Variants in PECR observed in about 807,000 individuals in gnomAD.
PECR encodes 2,4-dienoyl-CoA reductase-related protein.
PECR carries 30 observed loss-of-function variants against 35.3 expected under a neutral mutation model. The observed-to-expected ratio is 0.85, with a 90% CI of 0.64 to 1.15. PECR has a LOEUF of 1.15. Ranked by LOEUF, PECR falls within the 50% of genes most tolerant of loss-of-function variation. The probability of loss-of-function intolerance (pLI) is 0.00; values close to 1 mark genes in which losing one functional copy is unlikely to be tolerated. For synonymous variants in PECR, 148 were observed against 138.9 expected (o/e 1.07, Z -0.46); for missense variants, 392 against 370.8 (o/e 1.06, Z -0.47).
chr2:216,080,788 G>A (rs1265093207), intron 1 of PECR, among the ~76,000 whole-genome samples: 2 of 152,234 alleles, frequency 1.3e-5, no homozygotes, highest in South Asian at 2.1e-4. Flanking sequence ...GGAACGCTTA[G>A]TCCATACCAT....
Position 216,065,364 on chromosome 2 carries a change from C to A in PECR, c.372G>T (p.Trp124Cys). 6.2e-7 allele frequency: 1 copy of A among 1,610,818 alleles called. No individual in the cohort carries two copies. Among genetic ancestry groups the A allele is most frequent in the Non-Finnish European group, 8.5e-7 (1 of 1,176,974 alleles). The change falls in exon 3 of 8, where the codon TGG (tryptophan) becomes TGT (cysteine). Residue 124 changes from tryptophan (W) to cysteine (C), a missense_variant. Coordinates refer to ENST00000265322, the MANE Select transcript of PECR (RefSeq NM_018441.6). Reference sequence around the variant, plus strand: ...TCAGGTTGGTCTCAAGCACAGCGTGCCATCCCTTAGAACTGATGTGTTCAG... The same window carrying A: ...TCAGGTTGGTCTCAAGCACAGCGTGACATCCCTTAGAACTGATGTGTTCAG... Reference protein sequence around the residue: ...SPAEHISSKGWHAVLETNLTG... With the variant: ...SPAEHISSKGCHAVLETNLTG...
At chr2:216,075,531 T>A (rs1456260247) in intron 1 of PECR, among the ~76,000 whole-genome samples, 2 of 152,210 alleles carry the variant, frequency 1.3e-5, no homozygotes, top group African/African-American at 4.8e-5. Flanking sequence ...TATAATAAAC[T>A]AGAAAAATAT....
intron 7 of PECR, among the ~76,000 whole-genome samples, chr2:216,040,266 T>C (rs1257224114): frequency 6.6e-6 from 1 of 152,226 alleles, no homozygotes; most frequent in African/African-American, 2.4e-5. Flanking sequence ...TTTATTTTTT[T>C]AATTTTTATT....
chr2:216,046,316 T>G (rs1397835051), intron 6 of PECR, among the ~76,000 whole-genome samples: 1 of 123,694 alleles, frequency 8.1e-6, no homozygotes, highest in Admixed American at 7.9e-5. Context: ...ATATATTTTT[T>G]TTTTTTTTTT....
chr2:216,066,631 G>T (rs1446455380), intron 1 of PECR, 113 bp from the exon 2 acceptor site: 1 of 898,578 alleles, frequency 1.1e-6, no homozygotes, highest in South Asian at 1.3e-5. Flanking sequence ...TTCATGAGTT[G>T]TCCAAATTCC....
intron 6 of PECR, among the ~76,000 whole-genome samples, chr2:216,048,913 T>G (rs1225011726): frequency 1.3e-5 from 2 of 150,790 alleles, no homozygotes; most frequent in Admixed American, 6.6e-5. Context: ...GACTTCAACC[T>G]TAACCGAAAT....
chr2:216,068,801 C>A (rs988959223), intron 1 of PECR, among the ~76,000 whole-genome samples: 1 of 123,598 alleles, frequency 8.1e-6, no homozygotes, highest in Non-Finnish European at 1.6e-5. Flanking sequence ...CCATATCTGG[C>A]CAATTTTTTT....
chr2:216,063,410 G>C (rs1185391757), intron 3 of PECR, among the ~76,000 whole-genome samples: 1 of 152,126 alleles, frequency 6.6e-6, no homozygotes, highest in African/African-American at 2.4e-5. Flanking sequence ...ACAAGGTCAG[G>C]AGATGGAGAC....
intron 1 of PECR, among the ~76,000 whole-genome samples, chr2:216,068,105 T>C (rs1198677729): frequency 6.6e-6 from 1 of 151,090 alleles, no homozygotes; most frequent in Non-Finnish European, 1.5e-5. Context: ...CATGTGCCTG[T>C]AATCTCAGCT....
At position 216,039,316 on chromosome 2, in the gene PECR, T is replaced by C. The variant is rs1694849151; in HGVS notation, c.871A>G (p.Lys291Glu). ...PKGAGDLSVV[K>E]KMKETFKEKA... The stretch of plus-strand genomic sequence containing the variant: ...TCCTTAAAGGTCTCCTTCATCTTTT[T>C]GACAACAGAAAGGTCCCCTGCTCCC... Residue 291 changes from lysine (K) to glutamate (E), a missense_variant, in exon 8 of 8, where the codon AAA becomes GAA. Physicochemically the swap from Lys to Glu is moderately conservative, Grantham distance 56 (BLOSUM62 1). Transcript: ENST00000265322. 3 of 1,611,050 alleles carry C rather than the reference T, an allele frequency of 1.9e-6. No homozygotes were observed. In the East Asian group the frequency reaches 6.7e-5, roughly 36 times the overall value.
In PECR at chr2:216,047,810, A is replaced by ATAAAT. The variant is rs377077476; in HGVS notation, c.714+1452_714+1453insATTTA. On this transcript the variant is annotated intron_variant, in intron 6 of 7. Coordinates refer to ENST00000265322, the MANE Select transcript of PECR (RefSeq NM_018441.6). ...TAAATTCCCAAAAGATATTAAATTT[A>ATAAAT]TAATTTAGGGAAACCTGACTTTTTA... 5.7e-3 allele frequency among the ~76,000 whole-genome samples: 870 copies of ATAAAT among 152,310 alleles called. 11 individuals are homozygous for ATAAAT. The highest frequency in any genetic ancestry group is 0.02 in the African/African-American group (825 of 41,576).
At chr2:216,040,159 T>C (rs959194474) in intron 7 of PECR, among the ~76,000 whole-genome samples, 1 of 152,178 alleles carries the variant, frequency 6.6e-6, no homozygotes, top group Non-Finnish European at 1.5e-5. Flanking sequence ...AGCTACTAAG[T>C]CAAGTCTTAC....
At chr2:216,053,947 T>G (rs2105952619) in intron 4 of PECR, among the ~76,000 whole-genome samples, 1 of 152,294 alleles carries the variant, frequency 6.6e-6, no homozygotes, top group East Asian at 1.9e-4. Context: ...GTATTGTTTT[T>G]CTCCCAGTTC....
intron 6 of PECR, among the ~76,000 whole-genome samples, chr2:216,046,125 TTTC>T (rs1034010380): frequency 8.6e-5 from 13 of 151,042 alleles, no homozygotes; most frequent in African/African-American, 2.9e-4. Flanking sequence ...AAAGTTTTTG[TTTC>T]TTTTTTTAAA....
intron 7 of PECR, among the ~76,000 whole-genome samples, chr2:216,029,495 C>T (rs1202944037): frequency 6.6e-6 from 1 of 152,106 alleles, no homozygotes; most frequent in African/African-American, 2.4e-5. Flanking sequence ...ATTGAGGCTG[C>T]TGAGTTAGGA....
intron 7 of PECR, among the ~76,000 whole-genome samples, chr2:216,041,109 C>T (rs950059219): frequency 3.3e-5 from 5 of 152,064 alleles, no homozygotes; most frequent in South Asian, 4.2e-4. Context: ...TCTCATTATT[C>T]GGGGGGCAGT....
intron 3 of PECR, among the ~76,000 whole-genome samples, chr2:216,061,482 T>C (rs1695350099): frequency 1.3e-5 from 2 of 152,224 alleles, no homozygotes; most frequent in East Asian, 3.9e-4. Flanking sequence ...GTCAGAATCT[T>C]AGACAAGCGA....
intron 3 of PECR, among the ~76,000 whole-genome samples, chr2:216,065,051 T>G (rs1559215878): frequency 6.6e-6 from 1 of 152,196 alleles, no homozygotes; most frequent in Non-Finnish European, 1.5e-5. Context: ...ATGAACAAAT[T>G]AATAGCTAAA....
chr2:216,031,922 T>G (rs1363568996), intron 7 of PECR, among the ~76,000 whole-genome samples: 1 of 152,216 alleles, frequency 6.6e-6, no homozygotes, highest in African/African-American at 2.4e-5. Context: ...TCTCTACTTC[T>G]CCGTATTTTT....
Sources: gnomAD v4.1 joint callset for allele counts (sites outside exome capture counted in the v4.1 genomes callset) on GRCh38, gnomAD v4.1.1 for gene constraint, MANE v1.5 for transcripts, NCBI Gene and HGNC (gene_info 2026-07-23, HGNC 2026-07-21) for gene names.